The following TNRC6B variants were observed in gnomAD, a reference collection of about 807,000 sequenced individuals.
TNRC6B encodes the protein trinucleotide repeat-containing gene 6B protein.
A neutral mutation model predicts 203.6 loss-of-function variants in TNRC6B; 52 were observed. That is an observed-to-expected ratio of 0.26 (90% CI 0.20 to 0.32). The LOEUF (loss-of-function observed/expected upper bound fraction) is 0.32. Ranked by LOEUF, TNRC6B falls within the 10% of genes least tolerant of loss-of-function variation. TNRC6B has a pLI of 1.00. For synonymous variants in TNRC6B, 838 were observed against 845.7 expected, an observed-to-expected ratio of 0.99 and a Z score of 0.16; for missense variants, 1,923 against 2,286.2, an observed-to-expected ratio of 0.84 and a Z score of 3.24.
chr22:40,291,527 G>A (rs1049924896), intron 12 of TNRC6B, among the ~76,000 whole-genome samples: 3 of 152,176 alleles, frequency 2.0e-5, no homozygotes, highest in African/African-American at 4.8e-5. Flanking sequence ...ATACAGGGAT[G>A]CTTTTCACAT....
At chr22:40,278,520 T>C (rs1013817506) in intron 9 of TNRC6B, among the ~76,000 whole-genome samples, 1 of 145,290 alleles carries the variant, frequency 6.9e-6, no homozygotes, top group African/African-American at 2.6e-5. Context: ...ATTGTGCCAC[T>C]GCACTCCAGC....
chr22:40,232,947 C>T (rs1458561382), intron 1 of TNRC6B, among the ~76,000 whole-genome samples: 2 of 151,974 alleles, frequency 1.3e-5, no homozygotes, highest in Non-Finnish European at 2.9e-5. Flanking sequence ...ATCAGGAGAT[C>T]AAGACCATCC....
At chr22:40,310,737 T>G in intron 16 of TNRC6B, 80 bp from the exon 17 acceptor site, 1 of 1,399,934 alleles carries the variant, frequency 7.1e-7, no homozygotes, top group Non-Finnish European at 9.6e-7. Context: ...GAAGACTGTT[T>G]GCATTCCAGC....
intron 1 of TNRC6B, among the ~76,000 whole-genome samples, chr22:40,082,683 A>G (rs1240217919): frequency 6.6e-6 from 1 of 152,248 alleles, no homozygotes; most frequent in African/African-American, 2.4e-5. Context: ...AGCTATTGCC[A>G]TAGTTTAGGG....
intron 1 of TNRC6B, among the ~76,000 whole-genome samples, chr22:40,234,839 C>T (rs2069926525): frequency 6.6e-6 from 1 of 152,158 alleles, no homozygotes; most frequent in South Asian, 2.1e-4. Flanking sequence ...ATTACATTAG[C>T]ATCCCATTAA....
At chr22:40,106,958 T>C (rs375358597) in intron 1 of TNRC6B, 3 of 1,182,922 alleles carry the variant, frequency 2.5e-6, no homozygotes, top group Middle Eastern at 5.5e-4. Context: ...TTGGGCAAAC[T>C]TCTTTCTCAG....
At chr22:40,309,703 A>C (rs2071146503) in intron 16 of TNRC6B, among the ~76,000 whole-genome samples, 1 of 152,210 alleles carries the variant, frequency 6.6e-6, no homozygotes, top group South Asian at 2.1e-4. Flanking sequence ...GGCATGTGAG[A>C]GGATATCTCA....
At chr22:40,058,340 A>T (rs576051552) in intron 1 of TNRC6B, among the ~76,000 whole-genome samples, 1 of 152,364 alleles carries the variant, frequency 6.6e-6, no homozygotes, top group East Asian at 1.9e-4. Flanking sequence ...CCAGTAAGGG[A>T]TGGTTTGAAA....
chr22:40,102,559 T>G (rs1312313490), intron 1 of TNRC6B, among the ~76,000 whole-genome samples: 1 of 152,212 alleles, frequency 6.6e-6, no homozygotes, highest in Non-Finnish European at 1.5e-5. Flanking sequence ...GCCGGGTATT[T>G]GCATTATAAC....
intron 3 of TNRC6B, among the ~76,000 whole-genome samples, chr22:40,139,980 G>A (rs1402394004): frequency 1.3e-5 from 2 of 152,122 alleles, no homozygotes; most frequent in African/African-American, 4.8e-5. Flanking sequence ...CCACAGTTAG[G>A]TCTGTGATCC....
chr22:40,318,548 G>A (rs1251331626), intron 21 of TNRC6B, among the ~76,000 whole-genome samples: 1 of 151,252 alleles, frequency 6.6e-6, no homozygotes, highest in Non-Finnish European at 1.5e-5. Flanking sequence ...CTTCATCTCA[G>A]AGAAAAAAAA....
At chr22:40,184,687 T>C (rs879904819) in intron 1 of TNRC6B, among the ~76,000 whole-genome samples, 1 of 151,978 alleles carries the variant, frequency 6.6e-6, no homozygotes, top group Non-Finnish European at 1.5e-5. Context: ...GACAACAGAG[T>C]TGGGGACAAA....
At chr22:40,244,795 G>A (rs1392403186) in intron 1 of TNRC6B, among the ~76,000 whole-genome samples, 1 of 152,198 alleles carries the variant, frequency 6.6e-6, no homozygotes, top group African/African-American at 2.4e-5. Flanking sequence ...AGAGTCTGGG[G>A]TTTCCCACTG....
chr22:40,268,894 C>T (rs552035064), intron 5 of TNRC6B, among the ~76,000 whole-genome samples: 8 of 151,124 alleles, frequency 5.3e-5, no homozygotes, highest in Non-Finnish European at 1.2e-4. Flanking sequence ...GCCTGGGCGA[C>T]AGAGCAAGAC....
intron 1 of TNRC6B, among the ~76,000 whole-genome samples, chr22:40,083,610 G>C (rs553627337): frequency 6.6e-6 from 1 of 152,190 alleles, no homozygotes; most frequent in African/African-American, 2.4e-5. Flanking sequence ...GTATGCACGT[G>C]GGGGTGATCC....
At chr22:40,299,829 G>A (rs1316670652) in intron 12 of TNRC6B, among the ~76,000 whole-genome samples, 2 of 152,210 alleles carry the variant, frequency 1.3e-5, no homozygotes, top group African/African-American at 2.4e-5. Context: ...TCTTAGAGGA[G>A]CAAACCAAAG....
At chr22:40,092,514 GATTA>G (rs1268558550) in intron 1 of TNRC6B, among the ~76,000 whole-genome samples, 4 of 151,978 alleles carry the variant, frequency 2.6e-5, no homozygotes, top group Admixed American at 6.6e-5. Context: ...TGGTTTTGGT[GATTA>G]ATTAATTAGA....
chr22:40,262,706 G>A lies in TNRC6B; in HGVS notation c.457+533G>A, dbSNP rs571972353. Among the ~76,000 whole-genome samples, 21 of 152,226 alleles carry A rather than the reference G, an allele frequency of 1.4e-4. No individual in the cohort carries two copies. In the East Asian group the frequency reaches 2.9e-3, roughly 21 times the overall value. ...TGAGCTTTGTTAAAAACTGTATGTAGAAATAAGGGATATTTAGCTGAAAGG... is the reference window on the plus strand; with the variant it reads ...TGAGCTTTGTTAAAAACTGTATGTAAAAATAAGGGATATTTAGCTGAAAGG... On this transcript the variant is annotated intron_variant, in intron 4 of 22. Coordinates refer to ENST00000454349, the MANE Select transcript of TNRC6B (RefSeq NM_001162501.2).
chr22:40,063,841 C>A (rs1270857475), intron 1 of TNRC6B, among the ~76,000 whole-genome samples: 5 of 151,992 alleles, frequency 3.3e-5, no homozygotes, highest in African/African-American at 1.2e-4. Flanking sequence ...TAACCAGGAC[C>A]AGAGTTGCAC....
Sources: gnomAD v4.1 joint callset for allele counts (sites outside exome capture counted in the v4.1 genomes callset) on GRCh38, gnomAD v4.1.1 for gene constraint, MANE v1.5 for transcripts, NCBI Gene and HGNC (gene_info 2026-07-23, HGNC 2026-07-21) for gene names.